PAH: variants seen among roughly 807,000 people sequenced by gnomAD.
PAH encodes phenylalanine hydroxylase, also known as phenylalanine-4-hydroxylase.
Under a neutral mutation model 62.0 loss-of-function variants are expected in PAH, and 64 were observed. That is an observed-to-expected ratio of 1.03 (90% CI 0.84 to 1.27). The LOEUF (loss-of-function observed/expected upper bound fraction) is 1.27, where lower values mean the gene tolerates loss of function less well. Among genes scored for constraint, PAH ranks in the 50% most tolerant of loss-of-function variants. The pLI, the probability that PAH is intolerant of heterozygous loss-of-function variation, is 0.00. For missense variants in PAH, 579 were observed against 542.8 expected (o/e 1.07, Z -0.66); for synonymous variants, 195 against 196.2 (o/e 0.99, Z 0.05).
intron 3 of PAH, among the ~76,000 whole-genome samples, chr12:102,891,145 G>A (rs1032380892): frequency 6.6e-6 from 1 of 152,162 alleles, no homozygotes; most frequent in African/African-American, 2.4e-5. Flanking sequence ...AGCTAAACAT[G>A]AGTGGAGAAC....
At chr12:102,844,791 C>G (rs922431667) in intron 9 of PAH, among the ~76,000 whole-genome samples, 2 of 152,182 alleles carry the variant, frequency 1.3e-5, no homozygotes, top group African/African-American at 2.4e-5. Flanking sequence ...CACCCAACCA[C>G]CACCCAGGGG....
At chr12:102,882,008 A>G (rs1423214543) in intron 3 of PAH, among the ~76,000 whole-genome samples, 1 of 152,210 alleles carries the variant, frequency 6.6e-6, no homozygotes, top group Admixed American at 6.5e-5. Flanking sequence ...TATGGTAGCT[A>G]TATTTTAATT....
intron 1 of PAH, among the ~76,000 whole-genome samples, chr12:102,947,771 A>T (rs902666424): frequency 2.6e-5 from 4 of 152,210 alleles, no homozygotes; most frequent in African/African-American, 9.7e-5. Flanking sequence ...AAGAACCAGT[A>T]AGAAATTAGA....
Position 102,839,175 on chromosome 12 carries a change from T to A in PAH, c.1359A>T (p.Ter453TyrextTer11). ...ILCSALQKIK[*>Y] ...GACAGACCACATTCTGTCCATGGCT[T>A]TACTTTATTTTCTGGAGGGCACTGC... Residue 453 changes from the stop codon to tyrosine, a stop_lost, in exon 13 of 13, where the codon TAA becomes TAT. Transcript: ENST00000553106. 1 of 1,613,574 alleles carries A rather than the reference T, an allele frequency of 6.2e-7. No individual in the cohort carries two copies. Among genetic ancestry groups the A allele is most frequent in the Non-Finnish European group, 8.5e-7 (1 of 1,179,544 alleles).
chr12:102,900,049 CTT>C (rs749407597), intron 2 of PAH, among the ~76,000 whole-genome samples: 61 of 113,212 alleles, frequency 5.4e-4, no homozygotes, highest in Admixed American at 1.2e-3. Flanking sequence ...ACATTTATTG[CTT>C]TTTTTTTTTT....
chr12:102,946,158 C>T (rs1879485923), intron 1 of PAH: 1 of 152,268 alleles, frequency 6.6e-6, no homozygotes, highest in South Asian at 2.1e-4. Context: ...CTTTATTCCT[C>T]CCTCTCCTTT....
At chr12:102,903,931 C>G (rs1877869218) in intron 2 of PAH, among the ~76,000 whole-genome samples, 1 of 152,148 alleles carries the variant, frequency 6.6e-6, no homozygotes, top group African/African-American at 2.4e-5. Flanking sequence ...AAGCCACTTA[C>G]AGTAAAGACT....
chr12:102,950,084 C>T (rs1352566354), intron 1 of PAH: 2 of 152,212 alleles, frequency 1.3e-5, no homozygotes, highest in African/African-American at 4.8e-5. Context: ...AACACATATC[C>T]AGTGTTTACT....
At chr12:102,884,790 T>C (rs1436220878) in intron 3 of PAH, among the ~76,000 whole-genome samples, 1 of 152,148 alleles carries the variant, frequency 6.6e-6, no homozygotes, top group Non-Finnish European at 1.5e-5. Flanking sequence ...GGCAAAAAGG[T>C]AGGACTACCC....
chr12:102,898,064 A>G (rs963125373), intron 2 of PAH, among the ~76,000 whole-genome samples: 9 of 152,234 alleles, frequency 5.9e-5, no homozygotes, highest in African/African-American at 1.9e-4. Context: ...AACCCCCAAC[A>G]CAAAGATTTC....
intron 1 of PAH, among the ~76,000 whole-genome samples, chr12:102,936,450 A>T (rs1038473224): frequency 2.6e-5 from 4 of 152,128 alleles, no homozygotes; most frequent in African/African-American, 9.7e-5. Flanking sequence ...TTTCTGTCTC[A>T]GTGTTCTGCT....
chr12:102,856,667 G>A (rs566818961), intron 5 of PAH, among the ~76,000 whole-genome samples: 2 of 152,310 alleles, frequency 1.3e-5, no homozygotes, highest in African/African-American at 4.8e-5. Context: ...GCAACATTTG[G>A]TGTTCAGAAA....
chr12:102,859,352 A>T (rs2058135786), intron 5 of PAH, among the ~76,000 whole-genome samples: 1 of 152,246 alleles, frequency 6.6e-6, no homozygotes. Flanking sequence ...CACCAAAAAA[A>T]GTACAGGACC....
At chr12:102,955,229 C>T (rs1879877514), upstream of PAH, among the ~76,000 whole-genome samples, 6 of 152,322 alleles carry the variant, frequency 3.9e-5, no homozygotes, top group South Asian at 1.2e-3. Context: ...CTGTCCTCTA[C>T]TTCCCTGGTA....
intron 2 of PAH, among the ~76,000 whole-genome samples, chr12:102,895,321 C>A (rs189318639): frequency 1.3e-5 from 2 of 152,190 alleles, no homozygotes; most frequent in Admixed American, 1.3e-4. Flanking sequence ...CAACATTGTT[C>A]TGCTTGAATA....
chr12:102,953,299 A>T (rs1261469778), upstream of PAH: 1 of 152,212 alleles, frequency 6.6e-6, no homozygotes, highest in East Asian at 1.9e-4. Context: ...TAAAGTTAAA[A>T]ATATAACTTT....
chr12:102,928,523 G>A (rs556223035), intron 1 of PAH, among the ~76,000 whole-genome samples: 2 of 152,190 alleles, frequency 1.3e-5, no homozygotes, highest in African/African-American at 2.4e-5. Context: ...TGGAAGGGGC[G>A]TGGTCTAAAC....
At chr12:102,893,970 A>C (rs1439643264) in intron 3 of PAH, among the ~76,000 whole-genome samples, 3 of 152,224 alleles carry the variant, frequency 2.0e-5, no homozygotes, top group Admixed American at 2.0e-4. Context: ...ACAGATAAGA[A>C]GATGGAAAAT....
At chr12:102,895,771 C>A (rs1020416647) in intron 2 of PAH, among the ~76,000 whole-genome samples, 4 of 150,230 alleles carry the variant, frequency 2.7e-5, no homozygotes, top group Non-Finnish European at 5.9e-5. Context: ...AGGGGAATTG[C>A]TTGAACCACG....
Sources: gnomAD v4.1 joint callset for allele counts (sites outside exome capture counted in the v4.1 genomes callset) on GRCh38, gnomAD v4.1.1 for gene constraint, MANE v1.5 for transcripts, NCBI Gene and HGNC (gene_info 2026-07-23, HGNC 2026-07-21) for gene names.